The following RNF130 variants were observed in gnomAD, a reference collection of about 807,000 sequenced individuals.
RNF130 encodes E3 ubiquitin-protein ligase RNF130.
A neutral mutation model predicts 44.6 loss-of-function variants in RNF130; 21 were observed. That is an observed-to-expected ratio of 0.47 (90% confidence interval 0.33 to 0.68). RNF130 has a LOEUF of 0.68. Ranked by LOEUF, RNF130 falls within the 30% of genes least tolerant of loss-of-function variation. The probability of loss-of-function intolerance (pLI) is 0.02; values close to 1 mark genes in which losing one functional copy is unlikely to be tolerated. For missense variants in RNF130, 479 were observed against 560.6 expected, an observed-to-expected ratio of 0.85 and a Z score of 1.47; for synonymous variants, 214 against 210.4, an observed-to-expected ratio of 1.02 and a Z score of -0.15.
At chr5:180,051,975 T>C (rs1431876540) in intron 1 of RNF130, among the ~76,000 whole-genome samples, 1 of 152,224 alleles carries the variant, frequency 6.6e-6, no homozygotes, top group African/African-American at 2.4e-5. Context: ...AAGTGTTAAT[T>C]GTTTATCCAC....
At chr5:179,946,310 G>A (rs1762035908) in intron 7 of RNF130, among the ~76,000 whole-genome samples, 1 of 152,200 alleles carries the variant, frequency 6.6e-6, no homozygotes, top group Non-Finnish European at 1.5e-5. Context: ...GTGTGGTCAG[G>A]AGGAAAGAAG....
chr5:179,986,729 C>CT (rs1307526245), intron 3 of RNF130, among the ~76,000 whole-genome samples: 7 of 152,138 alleles, frequency 4.6e-5, no homozygotes, highest in Non-Finnish European at 5.9e-5. Context: ...TAATTTTTAA[C>CT]TTTTTACAAT....
chr5:180,021,597 C>A (rs1269839324), intron 2 of RNF130, among the ~76,000 whole-genome samples: 1 of 151,794 alleles, frequency 6.6e-6, no homozygotes, highest in Admixed American at 6.6e-5. Context: ...ATTCTAGAGT[C>A]CCAAATCATT....
At chr5:180,027,257 AG>A (rs1764012873) in intron 2 of RNF130, among the ~76,000 whole-genome samples, 1 of 152,158 alleles carries the variant, frequency 6.6e-6, no homozygotes, top group Admixed American at 6.5e-5. Flanking sequence ...TTCTGACACC[AG>A]GGTTCTTGAA....
chr5:179,980,885 T>C (rs9329092), intron 3 of RNF130, among the ~76,000 whole-genome samples: 23,217 of 152,146 alleles, frequency 0.15, 1,969 homozygotes, highest in Non-Finnish European at 0.19. Context: ...GATGAAGAGA[T>C]GGTGATCCCT....
chr5:180,057,073 A>G (rs1764843268), intron 1 of RNF130, among the ~76,000 whole-genome samples: 1 of 152,234 alleles, frequency 6.6e-6, no homozygotes, highest in Admixed American at 6.5e-5. Flanking sequence ...AGCCCCTTTC[A>G]ACCATACCAG....
chr5:180,003,605 G>T (rs777704397), intron 3 of RNF130, among the ~76,000 whole-genome samples: 4 of 152,106 alleles, frequency 2.6e-5, no homozygotes, highest in Non-Finnish European at 5.9e-5. Context: ...ATCACTTTGC[G>T]ACAGGTAAAC....
chr5:180,057,658 G>A (rs1011224791), intron 1 of RNF130, among the ~76,000 whole-genome samples: 3 of 152,094 alleles, frequency 2.0e-5, no homozygotes, highest in East Asian at 1.9e-4. Context: ...TTACACCCCC[G>A]CAATACCGCG....
At chr5:179,968,028 G>T (rs1475257275) in intron 6 of RNF130, among the ~76,000 whole-genome samples, 1 of 152,248 alleles carries the variant, frequency 6.6e-6, no homozygotes, top group Non-Finnish European at 1.5e-5. Context: ...GGGCGCGGTG[G>T]CTCACGCCTG....
intron 1 of RNF130, 104 bp from the exon 2 acceptor site, chr5:180,040,751 G>T: frequency 2.0e-6 from 2 of 1,017,128 alleles, no homozygotes; most frequent in Non-Finnish European, 2.8e-6. Flanking sequence ...TAAAGCACGT[G>T]AAGCAGCTCG....
At chr5:179,962,038 G>C (rs1762342611) in intron 8 of RNF130, among the ~76,000 whole-genome samples, 1 of 152,210 alleles carries the variant, frequency 6.6e-6, no homozygotes, top group African/African-American at 2.4e-5. Flanking sequence ...AAATATAACT[G>C]CCCAGGTCTT....
rs145821074 is a variant in RNF130, at chr5:180,062,513, A to G, written c.247+8943T>C. Among the ~76,000 whole-genome samples, 23 of 152,346 alleles carry G rather than the reference A, an allele frequency of 1.5e-4. No individual in the cohort carries two copies. In the East Asian group the frequency reaches 4.1e-3, roughly 27 times the overall value. On this transcript the variant is annotated intron_variant, in intron 1 of 8. Coordinates refer to ENST00000521389, the MANE Select transcript of RNF130 (RefSeq NM_018434.6). ...GGTGGGACACCAACATTGAGACTAC[A>G]GCACCTACTACACCCTTTAAGTGGA...
At chr5:179,976,442 T>G (rs977783621) in intron 5 of RNF130, among the ~76,000 whole-genome samples, 2 of 152,208 alleles carry the variant, frequency 1.3e-5, no homozygotes, top group African/African-American at 4.8e-5. Flanking sequence ...AGCAGGCAAG[T>G]GTGGATGACG....
intron 1 of RNF130, among the ~76,000 whole-genome samples, chr5:180,044,703 G>C (rs1351505987): frequency 1.3e-5 from 2 of 152,014 alleles, no homozygotes; most frequent in Non-Finnish European, 2.9e-5. Flanking sequence ...ATGGTGGTGG[G>C]TGCCTGTAAT....
At chr5:180,070,613 C>A (rs1462390255) in intron 1 of RNF130, among the ~76,000 whole-genome samples, 1 of 152,184 alleles carries the variant, frequency 6.6e-6, no homozygotes, top group Non-Finnish European at 1.5e-5. Context: ...GGGATAATGG[C>A]AGATATCTCC....
intron 2 of RNF130, chr5:180,015,434 A>G (rs1237995449): frequency 2.1e-6 from 1 of 486,646 alleles, no homozygotes; most frequent in Non-Finnish European, 4.4e-6. Flanking sequence ...CCTCTTGAAG[A>G]CTCAAGCTGG....
intron 2 of RNF130, among the ~76,000 whole-genome samples, chr5:180,016,342 T>TCAGGAGGGATACA (rs55716450): frequency 0.82 from 124,994 of 151,892 alleles, 51,768 homozygotes; most frequent in South Asian, 0.93. Flanking sequence ...TGGCCCAGTT[T>TCAGGAGGGATACA]CACGCCAAAG....
At chr5:180,064,532 A>G (rs1445243561) in intron 1 of RNF130, among the ~76,000 whole-genome samples, 1 of 152,142 alleles carries the variant, frequency 6.6e-6, no homozygotes, top group African/African-American at 2.4e-5. Context: ...AACTTTGGAA[A>G]TTGTGTGCAG....
At chr5:179,925,136 G>A (rs1449798470) in intron 7 of RNF130, among the ~76,000 whole-genome samples, 1 of 152,198 alleles carries the variant, frequency 6.6e-6, no homozygotes, top group Admixed American at 6.5e-5. Context: ...TAAAGAGGTG[G>A]GTGAAGGCGG....
Sources: allele counts gnomAD v4.1 joint callset (sites outside exome capture counted in the v4.1 genomes callset), GRCh38; gene constraint gnomAD v4.1.1; transcripts MANE v1.5; gene names NCBI Gene and HGNC (gene_info 2026-07-23, HGNC 2026-07-21).